Variants in GDPD2 observed in about 807,000 individuals in gnomAD.
The protein encoded by GDPD2 is glycerophosphodiester phosphodiesterase domain containing 2.
A neutral mutation model predicts 49.2 loss-of-function variants in GDPD2; 23 were observed. That is an observed-to-expected ratio of 0.47 (90% CI 0.34 to 0.66). The LOEUF is 0.66. Ranked by LOEUF, GDPD2 falls within the 30% of genes least tolerant of loss-of-function variation. The pLI, the probability that GDPD2 is intolerant of heterozygous loss-of-function variation, is 0.01. For missense variants in GDPD2, 338 were observed against 424.7 expected, an observed-to-expected ratio of 0.80 and a Z score of 1.79; for synonymous variants, 167 against 171.4, an observed-to-expected ratio of 0.97 and a Z score of 0.20.
chrX:70,426,854 C>G lies in GDPD2; in HGVS notation c.557-12C>G, dbSNP rs372653039. Reference sequence around the variant, plus strand: ...TGCCCATTCTTGAAAGCCTGTCCCCCACTCCCCACAGGTCCCAAGATTCTG... The same window carrying G: ...TGCCCATTCTTGAAAGCCTGTCCCCGACTCCCCACAGGTCCCAAGATTCTG... On this transcript the variant is annotated splice_polypyrimidine_tract_variant and intron_variant, in intron 7 of 15. Coordinates refer to ENST00000374382, the MANE Select transcript of GDPD2 (RefSeq NM_017711.4). 4.6e-5 allele frequency: 56 copies of G among 1,207,297 alleles called. No homozygotes were observed. The highest frequency in any genetic ancestry group is 4.0e-5 in the Non-Finnish European group (36 of 892,804).
intron 10 of GDPD2, 51 bp from the exon 11 acceptor site, chrX:70,429,442 G>A (rs1257746501): frequency 2.5e-6 from 2 of 787,479 alleles, no homozygotes; most frequent in Admixed American, 2.7e-5. Flanking sequence ...GAGGATGGGG[G>A]CAAGGCCTGG....
Position 70,432,454 on chromosome X carries a change from T to C in GDPD2, c.1455T>C (p.Ile485=), listed in dbSNP as rs762954033. Reference sequence around the variant, plus strand: ...AGATGCGTTACCCTATCTGGCTTATTGTAAGGGCTCTGGGACTGTCACCTC... The same window carrying C: ...AGATGCGTTACCCTATCTGGCTTATCGTAAGGGCTCTGGGACTGTCACCTC... ...LQQMRYPIWL[I]TPQTYLIIWV... Residue 485 remains isoleucine, a splice_region_variant and synonymous_variant, in exon 13 of 16, where the codon ATT becomes ATC. Coordinates refer to ENST00000374382, the MANE Select transcript of GDPD2 (RefSeq NM_017711.4). The C allele has an allele frequency of 3.3e-6, 4 of 1,209,408 alleles. No individual in the cohort carries two copies. The highest frequency in any genetic ancestry group is 4.5e-6 in the Non-Finnish European group (4 of 893,419).
At position 70,427,019 on chromosome X, in the gene GDPD2, T is replaced by C; in HGVS notation, c.702+8T>C. On this transcript the variant is annotated splice_region_variant and intron_variant, in intron 8 of 15. Transcript: ENST00000374382. The stretch of plus-strand genomic sequence containing the variant: ...CACCGAGGGGCCCCCATGGTGAGTG[T>C]TGGACAGAATGCTGGGAGGGTGGGG... 1 of 1,207,532 alleles carries C rather than the reference T, an allele frequency of 8.3e-7. No homozygotes were observed.
At chrX:70,426,296 T>C in intron 5 of GDPD2, 75 bp from the exon 6 acceptor site, 1 of 927,732 alleles carries the variant, frequency 1.1e-6, no homozygotes. Flanking sequence ...GTCCCATCTC[T>C]ATAGAGTGAA....
intron 12 of GDPD2, chrX:70,431,059 A>G: frequency 9.5e-7 from 1 of 1,053,188 alleles, no homozygotes; most frequent in Non-Finnish European, 1.3e-6. Context: ...AAGTGCTGGG[A>G]TTACAGGCCT....
intron 12 of GDPD2, chrX:70,431,220 C>T: frequency 1.6e-6 from 1 of 606,327 alleles, no homozygotes; most frequent in Non-Finnish European, 2.6e-6. Flanking sequence ...ATATCAGCTG[C>T]TAATCAACTG....
intron 1 of GDPD2, among the ~76,000 whole-genome samples, chrX:70,423,622 C>T (rs1444806348): frequency 1.8e-5 from 2 of 111,859 alleles, no homozygotes; most frequent in African/African-American, 3.3e-5. Flanking sequence ...GAGCTTAGAG[C>T]AGGCTATCAA....
chrX:70,428,335 T>G (rs1453197068), intron 10 of GDPD2, among the ~76,000 whole-genome samples: 1 of 112,521 alleles, frequency 8.9e-6, no homozygotes, highest in Non-Finnish European at 1.9e-5. Flanking sequence ...AACTGTAGGC[T>G]AATGTAAGTT....
intron 1 of GDPD2, among the ~76,000 whole-genome samples, chrX:70,424,658 G>A (rs2086404699): frequency 8.9e-6 from 1 of 112,597 alleles, no homozygotes; most frequent in South Asian, 3.6e-4. Flanking sequence ...GGTGTGTGCT[G>A]TTAAATGGGG....
rs768216482 is a variant in GDPD2 at position 70,429,822 on chromosome X, C to A, written c.1159-93C>A. 1.4e-5 allele frequency: 15 copies of A among 1,096,713 alleles called. No individual in the cohort carries two copies. In the African/African-American group the frequency reaches 2.4e-4, roughly 17 times the overall value. The allele number at this position is 1,096,713 out of a possible 1,213,427, so 90.4% of individuals were successfully genotyped here. A position where few individuals can be genotyped will look rare whatever the true frequency, so the allele number is the denominator to read the frequency against. On this transcript the variant is annotated intron_variant, in intron 11 of 15. Coordinates refer to ENST00000374382, the MANE Select transcript of GDPD2 (RefSeq NM_017711.4). The stretch of plus-strand genomic sequence containing the variant: ...CCAGGGCCCTGCCCCAGCTCACATA[C>A]CCCATTCTGTGGTCAAAACTGTTTG...
intron 1 of GDPD2, among the ~76,000 whole-genome samples, chrX:70,423,770 G>T (rs1447340834): frequency 2.7e-5 from 3 of 110,875 alleles, no homozygotes; most frequent in Non-Finnish European, 3.8e-5. Context: ...TCCCAAGGCA[G>T]CATAAAGAGG....
In GDPD2 at chrX:70,433,296, T is replaced by G. The variant is rs763148051; in HGVS notation, c.*210T>G. 1 of 426,267 alleles carries G rather than the reference T, an allele frequency of 2.3e-6. No individual in the cohort carries two copies. The highest frequency in any genetic ancestry group is 2.5e-5 in the African/African-American group (1 of 40,458). The allele number at this position is 426,267 out of a possible 1,213,427, so 35.1% of individuals were successfully genotyped here. On this transcript the variant is annotated 3_prime_UTR_variant, in exon 16 of 16. Coordinates refer to ENST00000374382, the MANE Select transcript of GDPD2 (RefSeq NM_017711.4). Reference sequence around the variant, plus strand: ...ATCTGCTCCCTTTGGGGTTTTGACCTGAGATGTTTGGGAAGAGAGTGAGTA... The same window carrying G: ...ATCTGCTCCCTTTGGGGTTTTGACCGGAGATGTTTGGGAAGAGAGTGAGTA...
At chrX:70,426,827 C>G (rs768627193) in intron 7 of GDPD2, 39 bp from the exon 8 acceptor site, 1 of 1,199,453 alleles carries the variant, frequency 8.3e-7, no homozygotes, top group African/African-American at 1.8e-5. Context: ...GAGCTCTCCC[C>G]TTGCCCATTC....
chrX:70,432,409 C>T lies in GDPD2; in HGVS notation c.1410C>T (p.Asn470=), dbSNP rs372467650. ...CAGGGGTGGATTCGGTCACCACCAA[C>T]GACTGCCAGCTGCTGCAGCAGATGC... ...WCAGVDSVTT[N]DCQLLQQMRY... Residue 470 remains asparagine (N), a synonymous_variant, in exon 13 of 16, where the codon AAC becomes AAT. Coordinates refer to ENST00000374382, the MANE Select transcript of GDPD2 (RefSeq NM_017711.4). The T allele has an allele frequency of 1.4e-5, 17 of 1,208,704 alleles. No individual in the cohort carries two copies. Among genetic ancestry groups the T allele is most frequent in the African/African-American group, 1.4e-4 (8 of 57,047 alleles).
chrX:70,431,106 T>C, intron 12 of GDPD2: 1 of 1,146,183 alleles, frequency 8.7e-7, no homozygotes, highest in East Asian at 3.3e-5. Flanking sequence ...GTTATAAGCA[T>C]GAGCTATCTC....
In GDPD2 at chrX:70,432,405, CCAA is replaced by C; in HGVS notation, c.1408_1410del (p.Asn470del). The C allele has an allele frequency of 1.7e-6, 2 of 1,210,544 alleles. No homozygotes were observed. The highest frequency in any genetic ancestry group is 2.2e-6 in the Non-Finnish European group (2 of 894,487). On this transcript the variant is annotated inframe_deletion, in exon 13 of 16. Coordinates refer to ENST00000374382, the MANE Select transcript of GDPD2 (RefSeq NM_017711.4). ...TGTGCAGGGGTGGATTCGGTCACCA[CCAA>C]CGACTGCCAGCTGCTGCAGCAGATG...
intron 12 of GDPD2, among the ~76,000 whole-genome samples, chrX:70,430,752 G>A (rs1207386597): frequency 9.0e-6 from 1 of 111,206 alleles, no homozygotes; most frequent in Non-Finnish European, 1.9e-5. Flanking sequence ...AATGTGAACT[G>A]AATGATAGCC....
At chrX:70,426,577 C>T in intron 6 of GDPD2, 71 bp from the exon 7 acceptor site, 1 of 1,028,190 alleles carries the variant, frequency 9.7e-7, no homozygotes, top group East Asian at 3.1e-5. Context: ...TGAACTCCAG[C>T]AGTCAGGCCC....
chrX:70,426,202 G>A, intron 5 of GDPD2, 91 bp downstream of exon 5: 4 of 868,715 alleles, frequency 4.6e-6, no homozygotes, highest in Non-Finnish European at 6.8e-6. Context: ...TTATACCCCC[G>A]GGGGGTCAAG....
Sources: gnomAD v4.1 joint callset for allele counts (sites outside exome capture counted in the v4.1 genomes callset) on GRCh38, gnomAD v4.1.1 for gene constraint, MANE v1.5 for transcripts, NCBI Gene and HGNC (gene_info 2026-07-23, HGNC 2026-07-21) for gene names.